Variants in UBAC2 observed in about 807,000 individuals in gnomAD.
UBAC2 encodes UBA domain containing 2, also known as ubiquitin-associated domain-containing protein 2.
A neutral mutation model predicts 44.0 loss-of-function variants in UBAC2; 26 were observed. The observed-to-expected ratio is 0.59, with a 90% confidence interval of 0.43 to 0.82. The LOEUF is 0.82. Ranked by LOEUF, UBAC2 falls within the 40% of genes least tolerant of loss-of-function variation. The pLI, the probability that UBAC2 is intolerant of heterozygous loss-of-function variation, is 0.00. For missense variants in UBAC2, 329 were observed against 419.4 expected, an observed-to-expected ratio of 0.78 and a Z score of 1.88; for synonymous variants, 155 against 154.3, an observed-to-expected ratio of 1.00 and a Z score of -0.04.
chr13:99,204,482 T>C (rs1250138266), intron 1 of UBAC2, among the ~76,000 whole-genome samples: 1 of 151,872 alleles, frequency 6.6e-6, no homozygotes, highest in Non-Finnish European at 1.5e-5. Flanking sequence ...CAGAGGACAG[T>C]GGAAGGTGAG....
chr13:99,285,249 T>C (rs1049182371), intron 4 of UBAC2, among the ~76,000 whole-genome samples: 2 of 152,146 alleles, frequency 1.3e-5, no homozygotes, highest in Admixed American at 6.6e-5. Flanking sequence ...GTGTCTTAAG[T>C]AGCTGCTGCT....
chr13:99,330,389 G>A (rs375969903), intron 6 of UBAC2, among the ~76,000 whole-genome samples: 1 of 131,298 alleles, frequency 7.6e-6, no homozygotes, highest in African/African-American at 2.8e-5. Context: ...AACCTGGGAC[G>A]CCGAGGTTGT....
intron 4 of UBAC2, among the ~76,000 whole-genome samples, chr13:99,254,144 A>G (rs1441522082): frequency 6.6e-6 from 1 of 152,222 alleles, no homozygotes; most frequent in East Asian, 1.9e-4. Flanking sequence ...GGTATCTTCA[A>G]CCACATAAGA....
At chr13:99,269,322 A>C (rs1270063232) in intron 4 of UBAC2, among the ~76,000 whole-genome samples, 1 of 152,156 alleles carries the variant, frequency 6.6e-6, no homozygotes, top group Non-Finnish European at 1.5e-5. Flanking sequence ...TAGAGAAATT[A>C]ATTGGAGTCC....
chr13:99,305,221 A>C (rs2044314740), intron 4 of UBAC2, among the ~76,000 whole-genome samples: 1 of 152,216 alleles, frequency 6.6e-6, no homozygotes, highest in Non-Finnish European at 1.5e-5. Flanking sequence ...AAATATTTTT[A>C]TTCTTCTCTT....
At chr13:99,363,223 A>G (rs2045288742) in intron 7 of UBAC2, among the ~76,000 whole-genome samples, 1 of 152,212 alleles carries the variant, frequency 6.6e-6, no homozygotes, top group Non-Finnish European at 1.5e-5. Context: ...CTAATACCAC[A>G]TGACTTTAAT....
At chr13:99,316,705 C>T (rs2044496561) in intron 5 of UBAC2, among the ~76,000 whole-genome samples, 1 of 152,156 alleles carries the variant, frequency 6.6e-6, no homozygotes, top group South Asian at 2.1e-4. Flanking sequence ...GGCTTCAGAA[C>T]CCAGAGGAAA....
Position 99,200,901 on chromosome 13 carries a change from G to A in UBAC2, c.-8G>A. ...GGCGCCCTCTGGGGCTCCGAGCCCGGCGGGACCATGTTCACCAGCACCGGC... is the reference window on the plus strand; with the variant it reads ...GGCGCCCTCTGGGGCTCCGAGCCCGACGGGACCATGTTCACCAGCACCGGC... On this transcript the variant is annotated 5_prime_UTR_variant, in exon 1 of 9. Transcript: ENST00000403766. 7.7e-7 allele frequency: 1 copy of A among 1,303,818 alleles called. No individual in the cohort carries two copies. Among genetic ancestry groups the A allele is most frequent in the African/African-American group, 1.5e-5 (1 of 66,112 alleles). 80.8% of individuals were successfully genotyped at this position (1,303,818 alleles called of 1,614,324 possible).
At chr13:99,251,790 A>C (rs1399926522) in intron 4 of UBAC2, among the ~76,000 whole-genome samples, 1 of 152,000 alleles carries the variant, frequency 6.6e-6, no homozygotes, top group African/African-American at 2.4e-5. Flanking sequence ...TGCTTCTCTC[A>C]AGCTCCATTT....
intron 7 of UBAC2, among the ~76,000 whole-genome samples, chr13:99,357,355 C>CT (rs1476903120): frequency 3.3e-5 from 5 of 152,208 alleles, no homozygotes; most frequent in African/African-American, 9.7e-5. Flanking sequence ...AGTTTTAAGT[C>CT]TAACAAGATG....
intron 1 of UBAC2, among the ~76,000 whole-genome samples, chr13:99,228,627 G>A (rs1435849410): frequency 6.6e-6 from 1 of 152,002 alleles, no homozygotes; most frequent in Non-Finnish European, 1.5e-5. Flanking sequence ...TTTTCTTCTC[G>A]TAACACTTTT....
At chr13:99,380,363 G>C (rs2045535295) in intron 8 of UBAC2, among the ~76,000 whole-genome samples, 1 of 152,312 alleles carries the variant, frequency 6.6e-6, no homozygotes, top group Non-Finnish European at 1.5e-5. Context: ...GAGATGTGTG[G>C]GGACTGGGCG....
intron 4 of UBAC2, chr13:99,255,602 C>T (rs1210865198): frequency 1.2e-6 from 2 of 1,614,172 alleles, no homozygotes; most frequent in South Asian, 1.1e-5. Flanking sequence ...CAGAAGTACT[C>T]TCCAAATGGC....
chr13:99,301,019 T>C (rs1594104382), intron 4 of UBAC2, among the ~76,000 whole-genome samples: 3 of 151,054 alleles, frequency 2.0e-5, no homozygotes, highest in African/African-American at 7.2e-5. Context: ...GAAAGTATTA[T>C]CATTTATCAT....
At chr13:99,343,354 G>C (rs1438186870) in intron 7 of UBAC2, among the ~76,000 whole-genome samples, 1 of 142,654 alleles carries the variant, frequency 7.0e-6, no homozygotes, top group Non-Finnish European at 1.6e-5. Context: ...CTGCCTTGCT[G>C]TAAACTCCGC....
chr13:99,325,741 T>A (rs1248974299), intron 6 of UBAC2, among the ~76,000 whole-genome samples: 1 of 152,232 alleles, frequency 6.6e-6, no homozygotes, highest in Non-Finnish European at 1.5e-5. Context: ...TCTCTGATTC[T>A]GTGAAATTGA....
At chr13:99,374,228 T>C (rs924780155) in intron 8 of UBAC2, among the ~76,000 whole-genome samples, 7 of 152,204 alleles carry the variant, frequency 4.6e-5, no homozygotes, top group Non-Finnish European at 1.0e-4. Flanking sequence ...TGCTTTTTTT[T>C]TAAGGGTTAA....
rs140632275 is a variant in UBAC2, at chr13:99,353,328, T to G, written c.807+12763T>G. ...GCAGAAGCTACTGCTGTGTTTCCAG[T>G]GCTTTTGTAGTTGATCATACTGATC... On this transcript the variant is annotated intron_variant, in intron 7 of 8. Coordinates refer to ENST00000403766, the MANE Select transcript of UBAC2 (RefSeq NM_001144072.2). Among the ~76,000 whole-genome samples the G allele has an allele frequency of 1.5e-3, 232 of 152,378 alleles. 2 individuals carry two copies. Among genetic ancestry groups the G allele is most frequent in the East Asian group, 0.015 (76 of 5,192 alleles).
chr13:99,236,617 C>T (rs570829957), intron 1 of UBAC2, among the ~76,000 whole-genome samples: 5 of 152,018 alleles, frequency 3.3e-5, no homozygotes, highest in African/African-American at 4.8e-5. Flanking sequence ...TTTGGGAGGC[C>T]GAGGTGGGTA....
Sources: gnomAD v4.1 joint callset for allele counts (sites outside exome capture counted in the v4.1 genomes callset) on GRCh38, gnomAD v4.1.1 for gene constraint, MANE v1.5 for transcripts, NCBI Gene and HGNC (gene_info 2026-07-23, HGNC 2026-07-21) for gene names.